The following NGF variants were observed in gnomAD, a reference collection of about 807,000 sequenced individuals.
NGF encodes beta-nerve growth factor.
In NGF, 4 loss-of-function variants were observed where a neutral mutation model predicts 12.8. The observed-to-expected ratio is 0.31, with a 90% CI of 0.15 to 0.72. NGF has a LOEUF of 0.72. NGF is among the 30% of genes least tolerant of loss of function. NGF has a pLI of 0.69. For missense variants in NGF, 283 were observed against 330.8 expected, an observed-to-expected ratio of 0.86 and a Z score of 1.12; for synonymous variants, 140 against 130.0, an observed-to-expected ratio of 1.08 and a Z score of -0.52.
At chr1:115,333,172 C>T (rs1654970428) in intron 1 of NGF, among the ~76,000 whole-genome samples, 2 of 152,274 alleles carry the variant, frequency 1.3e-5, no homozygotes, top group Admixed American at 6.5e-5. Flanking sequence ...GGGAGGTGAC[C>T]TATACCACCA....
chr1:115,327,683 CA>C (rs1043661894), intron 1 of NGF, among the ~76,000 whole-genome samples: 30 of 152,214 alleles, frequency 2.0e-4, no homozygotes, highest in Middle Eastern at 6.8e-3. Flanking sequence ...CTTTTCAGCA[CA>C]AAAAAAGTAA....
intron 1 of NGF, among the ~76,000 whole-genome samples, chr1:115,312,263 A>G (rs573762693): frequency 6.6e-6 from 1 of 152,306 alleles, no homozygotes; most frequent in African/African-American, 2.4e-5. Context: ...TATTTGAAAA[A>G]GACTCTTAGA....
intron 1 of NGF, among the ~76,000 whole-genome samples, chr1:115,294,862 C>T (rs1273861576): frequency 6.6e-6 from 1 of 152,162 alleles, no homozygotes; most frequent in Admixed American, 6.5e-5. Flanking sequence ...AGAGACACAG[C>T]AAGGAGCTAT....
intron 1 of NGF, among the ~76,000 whole-genome samples, chr1:115,319,055 T>C (rs1654548328): frequency 6.6e-6 from 1 of 152,140 alleles, no homozygotes; most frequent in Non-Finnish European, 1.5e-5. Flanking sequence ...GACATACAGG[T>C]CTTATTCAGC....
chr1:115,290,464 C>T (rs1034485548), intron 2 of NGF, among the ~76,000 whole-genome samples: 22 of 133,436 alleles, frequency 1.6e-4, no homozygotes, highest in Admixed American at 8.1e-4. Context: ...GGCTTGATCT[C>T]GGCTCACTGC....
At chr1:115,326,188 G>A (rs1486716734) in intron 1 of NGF, among the ~76,000 whole-genome samples, 1 of 152,100 alleles carries the variant, frequency 6.6e-6, no homozygotes, top group African/African-American at 2.4e-5. Flanking sequence ...CGAGGCCAGG[G>A]AGGAGGACTA....
intron 1 of NGF, among the ~76,000 whole-genome samples, chr1:115,297,469 G>A (rs1217235208): frequency 6.6e-6 from 1 of 152,156 alleles, no homozygotes. Flanking sequence ...AACCAACCCC[G>A]AGCCTGGTAG....
intron 2 of NGF, 75 bp from the exon 3 acceptor site, chr1:115,286,882 G>T: frequency 6.4e-7 from 1 of 1,566,656 alleles, no homozygotes. Flanking sequence ...GGGTCCCTCA[G>T]AGTTGACCTC....
rs1299140411 is a variant in NGF, at chr1:115,329,751, T to C, written c.-137+8453A>G. ...TTTCTTTTTTCTTTCTTTCTTTTTTTTTTTTTTTTTTTTTGGAGGCAGGGT... is the reference window on the plus strand; with the variant it reads ...TTTCTTTTTTCTTTCTTTCTTTTTTCTTTTTTTTTTTTTTGGAGGCAGGGT... On this transcript the variant is annotated intron_variant, in intron 1 of 2. Coordinates refer to ENST00000369512, the MANE Select transcript of NGF (RefSeq NM_002506.3). Among the ~76,000 whole-genome samples the C allele has an allele frequency of 1.5e-4, 22 of 145,610 alleles. No homozygotes were observed. In the East Asian group the frequency reaches 4.0e-3, roughly 26 times the overall value.
chr1:115,319,524 G>A (rs1654559976), intron 1 of NGF, among the ~76,000 whole-genome samples: 1 of 152,206 alleles, frequency 6.6e-6, no homozygotes, highest in East Asian at 1.9e-4. Flanking sequence ...CTTCCTAACA[G>A]ACTTAGTAGA....
At chr1:115,329,554 C>T (rs998754883) in intron 1 of NGF, among the ~76,000 whole-genome samples, 1 of 152,042 alleles carries the variant, frequency 6.6e-6, no homozygotes, top group Non-Finnish European at 1.5e-5. Context: ...AGCCAGTTTG[C>T]ATATATATGT....
chr1:115,321,575 G>GAT (rs1654626573), intron 1 of NGF, among the ~76,000 whole-genome samples: 1 of 106,588 alleles, frequency 9.4e-6, no homozygotes. Context: ...GTGTGTATGG[G>GAT]ATGTGTGTGT....
chr1:115,290,751 T>G (rs1023398512), intron 2 of NGF, among the ~76,000 whole-genome samples: 1 of 152,174 alleles, frequency 6.6e-6, no homozygotes, highest in Non-Finnish European at 1.5e-5. Context: ...TATTCTTTTA[T>G]CCTCCCTTCT....
At chr1:115,299,533 G>A (rs997255097) in intron 1 of NGF, among the ~76,000 whole-genome samples, 1 of 152,166 alleles carries the variant, frequency 6.6e-6, no homozygotes, top group African/African-American at 2.4e-5. Context: ...TTTTCAAAGT[G>A]TGGGTAATTA....
rs1653483106 is a variant in NGF at position 115,285,963 on chromosome 1, C to T, written c.*107G>A. 2 of 1,411,592 alleles carry T rather than the reference C, an allele frequency of 1.4e-6. No homozygotes were observed. 87.4% of individuals were successfully genotyped at this position (1,411,592 alleles called of 1,614,324 possible). A position where few individuals can be genotyped will look rare whatever the true frequency, so the allele number is the denominator to read the frequency against. On this transcript the variant is annotated 3_prime_UTR_variant, in exon 3 of 3. Coordinates refer to ENST00000369512, the MANE Select transcript of NGF (RefSeq NM_002506.3). Reference sequence around the variant, plus strand: ...TAATGATTCTTTAAAACTGTATAAACTATAAATTACCATGCAGTCCTTATA... The same window carrying T: ...TAATGATTCTTTAAAACTGTATAAATTATAAATTACCATGCAGTCCTTATA...
chr1:115,321,626 GTGTC>G (rs1303664807), intron 1 of NGF, among the ~76,000 whole-genome samples: 8 of 134,926 alleles, frequency 5.9e-5, no homozygotes, highest in Non-Finnish European at 1.3e-4. Flanking sequence ...GTGTGTGTGT[GTGTC>G]ATAGCCAAGG....
intron 1 of NGF, among the ~76,000 whole-genome samples, chr1:115,330,134 T>C (rs1252462609): frequency 6.6e-6 from 1 of 152,192 alleles, no homozygotes; most frequent in Non-Finnish European, 1.5e-5. Flanking sequence ...TTGATCTTAG[T>C]GGATGCTGGG....
chr1:115,322,815 C>A (rs1304958418), intron 1 of NGF, among the ~76,000 whole-genome samples: 1 of 152,194 alleles, frequency 6.6e-6, no homozygotes, highest in Non-Finnish European at 1.5e-5. Context: ...CGACGACCTT[C>A]TGCATTCCTT....
At chr1:115,298,966 C>G (rs975690517) in intron 1 of NGF, among the ~76,000 whole-genome samples, 1 of 152,128 alleles carries the variant, frequency 6.6e-6, no homozygotes, top group Non-Finnish European at 1.5e-5. Context: ...TCTCCCATCT[C>G]TCTGTTAGTC....
Sources: gnomAD v4.1 joint callset for allele counts (sites outside exome capture counted in the v4.1 genomes callset) on GRCh38, gnomAD v4.1.1 for gene constraint, MANE v1.5 for transcripts, NCBI Gene and HGNC (gene_info 2026-07-23, HGNC 2026-07-21) for gene names.